Variants in GK5 observed in about 807,000 individuals in gnomAD.
GK5 encodes the protein ATP:glycerol 3-phosphotransferase 5.
Under a neutral mutation model 77.3 loss-of-function variants are expected in GK5, and 39 were observed. That is an observed-to-expected ratio of 0.50 (90% CI 0.39 to 0.66). GK5 has a LOEUF of 0.66. Ranked by LOEUF, GK5 falls within the 30% of genes least tolerant of loss-of-function variation. GK5 has a pLI of 0.00. For missense variants in GK5, 487 were observed against 633.8 expected, an observed-to-expected ratio of 0.77 and a Z score of 2.49; for synonymous variants, 211 against 208.0, an observed-to-expected ratio of 1.01 and a Z score of -0.13.
At chr3:142,193,735 T>C (rs2063888432) in intron 5 of GK5, among the ~76,000 whole-genome samples, 1 of 152,164 alleles carries the variant, frequency 6.6e-6, no homozygotes, top group African/African-American at 2.4e-5. Context: ...AATGAAACTG[T>C]TTTCTTTCTT....
chr3:142,196,459 G>C (rs1286102478), intron 5 of GK5, among the ~76,000 whole-genome samples: 1 of 151,844 alleles, frequency 6.6e-6, no homozygotes, highest in Admixed American at 6.6e-5. Context: ...ATATCATTTT[G>C]CTATAAATTT....
intron 1 of GK5, among the ~76,000 whole-genome samples, chr3:142,220,145 T>A (rs960177404): frequency 4.7e-5 from 7 of 149,376 alleles, no homozygotes; most frequent in Non-Finnish European, 1.0e-4. Flanking sequence ...TTTTAACAAA[T>A]TTTTTTTTTT....
chr3:142,225,334 C>T lies in GK5; in HGVS notation c.122G>A (p.Arg41Gln), dbSNP rs2064412641. 1.3e-6 allele frequency: 2 copies of T among 1,554,146 alleles called. No individual in the cohort carries two copies. Among genetic ancestry groups the T allele is most frequent in the East Asian group, 2.4e-5 (1 of 41,050 alleles). The change falls in exon 1 of 16, where the codon CGG (arginine) becomes CAG (glutamine). Residue 41 changes from arginine (R) to glutamine (Q), a missense_variant. Physicochemically the swap from Arg to Gln is conservative, Grantham distance 43 (BLOSUM62 1). Transcript: ENST00000392993. Reference sequence around the variant, plus strand: ...CTTCTGCACGCTGGAGCCGCAGACCCGCGCCGCCCGGTCATAGACGTGGCA... The same window carrying T: ...CTTCTGCACGCTGGAGCCGCAGACCTGCGCCGCCCGGTCATAGACGTGGCA... Reference protein sequence around the residue: ...IRCHVYDRAARVCGSSVQKVE... With the variant: ...IRCHVYDRAAQVCGSSVQKVE...
chr3:142,194,115 C>T (rs954581065), intron 5 of GK5, among the ~76,000 whole-genome samples: 4 of 152,106 alleles, frequency 2.6e-5, no homozygotes, highest in Non-Finnish European at 4.4e-5. Flanking sequence ...CTGTGTGCGG[C>T]GGGTCACACC....
At chr3:142,216,372 C>A (rs1287288878) in intron 1 of GK5, among the ~76,000 whole-genome samples, 1 of 151,964 alleles carries the variant, frequency 6.6e-6, no homozygotes, top group Non-Finnish European at 1.5e-5. Flanking sequence ...TCTTTTTTCC[C>A]TTGTCTCCAT....
chr3:142,215,425 A>G (rs1419202308), intron 2 of GK5, among the ~76,000 whole-genome samples, 174 bp downstream of exon 2: 1 of 152,180 alleles, frequency 6.6e-6, no homozygotes, highest in African/African-American at 2.4e-5. Context: ...TTTCCCTGAC[A>G]AAGGAGCTCA....
intron 4 of GK5, among the ~76,000 whole-genome samples, chr3:142,201,036 G>T (rs960756823): frequency 6.6e-6 from 1 of 152,192 alleles, no homozygotes; most frequent in African/African-American, 2.4e-5. Flanking sequence ...ATACATTGCT[G>T]ATGGGAAAGT....
At chr3:142,194,285 G>A (rs1413714624) in intron 5 of GK5, among the ~76,000 whole-genome samples, 4 of 152,028 alleles carry the variant, frequency 2.6e-5, no homozygotes, top group African/African-American at 9.7e-5. Context: ...CAGCACTTTG[G>A]AAGGTCGAGG....
chr3:142,201,535 A>C (rs767730950), intron 4 of GK5, among the ~76,000 whole-genome samples: 2 of 152,214 alleles, frequency 1.3e-5, no homozygotes, highest in Non-Finnish European at 2.9e-5. Flanking sequence ...CAGAAGAACA[A>C]CACAAGAGAT....
At chr3:142,217,154 A>G (rs1054323840) in intron 1 of GK5, among the ~76,000 whole-genome samples, 3 of 152,244 alleles carry the variant, frequency 2.0e-5, no homozygotes, top group African/African-American at 7.2e-5. Context: ...TAAAGCAGCT[A>G]TTATGAAAAT....
At chr3:142,215,050 C>T (rs905322107) in intron 2 of GK5, among the ~76,000 whole-genome samples, 2 of 152,124 alleles carry the variant, frequency 1.3e-5, no homozygotes, top group African/African-American at 2.4e-5. Context: ...TCAGAATTTA[C>T]AAGTAATCTT....
intron 12 of GK5, among the ~76,000 whole-genome samples, chr3:142,175,597 T>C (rs2063598731): frequency 6.6e-6 from 1 of 152,078 alleles, no homozygotes. Flanking sequence ...ACTAACACAT[T>C]ATTGCTGTTT....
intron 5 of GK5, among the ~76,000 whole-genome samples, chr3:142,189,584 T>C (rs917963522): frequency 2.0e-5 from 3 of 152,132 alleles, no homozygotes; most frequent in South Asian, 2.1e-4. Context: ...ATTAAAAAAA[T>C]ATTTATGAGT....
rs551125359 is a variant in GK5 at position 142,171,474 on chromosome 3, T to C, written c.1252A>G (p.Lys418Glu). 64 of 1,438,380 alleles carry C rather than the reference T, an allele frequency of 4.4e-5. No individual in the cohort carries two copies. In the African/African-American group the frequency reaches 9.0e-4, roughly 20 times the overall value. 89.1% of individuals were successfully genotyped at this position (1,438,380 alleles called of 1,614,324 possible). A position where few individuals can be genotyped will look rare whatever the true frequency, so the allele number is the denominator to read the frequency against. The part of the protein sequence containing the change: ...AILESIAFRN[K>E]QLYEMMKKEI... ...TTCTTCATCATCTCATATAACTGTT[T>C]GTTTCTAGTTAAAAAACAAGATAAC... Residue 418 changes from lysine (K) to glutamate (E), a missense_variant, in exon 14 of 16, where the codon AAA (lysine) becomes GAA (glutamate). By Grantham distance (56) the Lys-to-Glu change is moderately conservative. Coordinates refer to ENST00000392993, the MANE Select transcript of GK5 (RefSeq NM_001039547.3).
At chr3:142,219,849 G>C (rs1284754013) in intron 1 of GK5, among the ~76,000 whole-genome samples, 1 of 152,128 alleles carries the variant, frequency 6.6e-6, no homozygotes. Context: ...CACACCTGTA[G>C]TTCCAGCTAC....
Position 142,165,627 on chromosome 3 carries a change from TC to T in GK5, c.1584del (p.Thr529HisfsTer5). ...TTTGATCATTTCATTTAGTGTTATG[TC>T]TTGTTATACCAATTCATGGAGCGTT... ...AVKRSMNWYN[K>X]T On this transcript the variant is annotated frameshift_variant, in exon 16 of 16. Transcript: ENST00000392993. LOFTEE classifies it high-confidence loss of function. 1 of 1,609,280 alleles carries T rather than the reference TC, an allele frequency of 6.2e-7. No individual in the cohort carries two copies. The highest frequency in any genetic ancestry group is 1.7e-5 in the Admixed American group (1 of 58,732).
intron 15 of GK5, chr3:142,170,072 C>CGCAGCTGA (rs2063517867): frequency 1.9e-6 from 1 of 535,094 alleles, no homozygotes; most frequent in Admixed American, 3.1e-5. Flanking sequence ...TAGAGACTGA[C>CGCAGCTGA]GCAGCTGAGA....
Position 142,165,779 on chromosome 3 carries a change from A to T in GK5, c.1442-9T>A, listed in dbSNP as rs1350616810. The T allele has an allele frequency of 1.3e-6, 2 of 1,552,334 alleles. No individual in the cohort carries two copies. On this transcript the variant is annotated splice_polypyrimidine_tract_variant and intron_variant, in intron 15 of 15. Transcript: ENST00000392993. ...CTTGTCAGTCCAAAACCCTATAGAT[A>T]AAAAAATTATCCTCAAATTTTAAGG...
chr3:142,213,736 G>T, intron 2 of GK5, 135 bp from the exon 3 acceptor site: 2 of 587,332 alleles, frequency 3.4e-6, no homozygotes, highest in African/African-American at 1.9e-5. Context: ...CAAAACAACT[G>T]GAATTAACAA....
Sources: gnomAD v4.1 joint callset for allele counts (sites outside exome capture counted in the v4.1 genomes callset) on GRCh38, gnomAD v4.1.1 for gene constraint, MANE v1.5 for transcripts, NCBI Gene and HGNC (gene_info 2026-07-23, HGNC 2026-07-21) for gene names.